Variants in APOBR observed in about 807,000 individuals in gnomAD.
APOBR encodes apoB-48R.
A neutral mutation model predicts 88.5 loss-of-function variants in APOBR; 57 were observed. The ratio of observed to expected loss-of-function variants is 0.64; its 90% CI spans 0.52 to 0.80. APOBR has a LOEUF of 0.80. Among genes scored for constraint, APOBR ranks in the 30% least tolerant of loss-of-function variants. The probability of loss-of-function intolerance (pLI) is 0.00; values close to 1 mark genes in which losing one functional copy is unlikely to be tolerated. For synonymous variants in APOBR, 588 were observed against 572.7 expected, an observed-to-expected ratio of 1.03 and a Z score of -0.38; for missense variants, 1,443 against 1,401.6, an observed-to-expected ratio of 1.03 and a Z score of -0.47.
chr16:28,498,019 C>CG, intron 2 of APOBR, 23 bp downstream of exon 2: 1 of 1,560,046 alleles, frequency 6.4e-7, no homozygotes, highest in Non-Finnish European at 8.6e-7. Flanking sequence ...GGTGGGGTCT[C>CG]GGGGGGAACG....
chr16:28,497,000 G>A lies in APOBR; in HGVS notation c.1959G>A (p.Ala653=), dbSNP rs772161666. 5.7e-6 allele frequency: 9 copies of A among 1,570,372 alleles called. No individual in the cohort carries two copies. The highest frequency in any genetic ancestry group is 4.1e-5 in the African/African-American group (3 of 73,902). Residue 653 remains alanine, a synonymous_variant, in exon 2 of 4, where the codon GCG becomes GCA. Coordinates refer to ENST00000564831, the MANE Select transcript of APOBR (RefSeq NM_018690.4). ...AGCAGCGGGAGGAGGAGGAGACTGC[G>A]GGAGGCCAGACCCTGGCGGCTGAGG... The part of the protein sequence containing the change: ...DGEQREEEET[A]GGQTLAAEAE...
At position 28,497,711 on chromosome 16, in the gene APOBR, A is replaced by G. The variant is rs190522443; in HGVS notation, c.2670A>G (p.Gly890=). 2.6e-5 allele frequency: 41 copies of G among 1,604,118 alleles called. 1 individual carries two copies. The Admixed American group carries it at 6.9e-4, about 27-fold the overall frequency. The part of the protein sequence containing the change: ...KWTLLEEEAV[G]WQEREQREDS... The stretch of plus-strand genomic sequence containing the variant: ...CGCTGTTGGAAGAAGAGGCTGTTGG[A>G]TGGCAGGAGAGAGAACAGAGGGAAG... The change falls in exon 2 of 4, where the codon GGA becomes GGG. Residue 890 remains glycine (G), a synonymous_variant. Coordinates refer to ENST00000564831, the MANE Select transcript of APOBR (RefSeq NM_018690.4).
At chr16:28,494,815 C>T in intron 1 of APOBR, 77 bp downstream of exon 1, 2 of 1,370,426 alleles carry the variant, frequency 1.5e-6, no homozygotes, top group Non-Finnish European at 2.0e-6. Flanking sequence ...CCCCTGGGGC[C>T]TCACCTTTCC....
chr16:28,496,377 G>C lies in APOBR; in HGVS notation c.1336G>C (p.Gly446Arg), dbSNP rs915867739. 11 of 1,605,628 alleles carry C rather than the reference G, an allele frequency of 6.9e-6. No homozygotes were observed. The highest frequency in any genetic ancestry group is 9.4e-6 in the Non-Finnish European group (11 of 1,176,012). ...TEEAAESQTA[G>R]REAVGGQEAG... ...AGAGGCTGCTGAGAGCCAGACCGCA[G>C]GGAGGGAAGCTGTGGGAGGCCAGGA... Residue 446 changes from glycine to arginine, a missense_variant, in exon 2 of 4, where the codon GGG (glycine) becomes CGG (arginine). Physicochemically the swap from Gly to Arg is moderately radical, Grantham distance 125. Coordinates refer to ENST00000564831, the MANE Select transcript of APOBR (RefSeq NM_018690.4).
rs1026988767 is a variant in APOBR, at chr16:28,496,235, G to C, written c.1194G>C (p.Arg398Ser). 1.4e-5 allele frequency: 22 copies of C among 1,602,092 alleles called. No individual in the cohort carries two copies. The highest frequency in any genetic ancestry group is 1.8e-5 in the Non-Finnish European group (21 of 1,174,894). The change falls in exon 2 of 4, where the codon AGG becomes AGC. Residue 398 changes from arginine (R) to serine (S), a missense_variant. Coordinates refer to ENST00000564831, the MANE Select transcript of APOBR (RefSeq NM_018690.4). ...AATATGGAGCAGTCCCAGGAGAAAGGCTCCTAGAGGCTACTGGAAAAGTCT... is the reference window on the plus strand; with the variant it reads ...AATATGGAGCAGTCCCAGGAGAAAGCCTCCTAGAGGCTACTGGAAAAGTCT... ...QTEYGAVPGE[R>S]LLEATGKVWV...
At position 28,495,848 on chromosome 16, in the gene APOBR, G is replaced by T; in HGVS notation, c.807G>T (p.Gly269=). The change falls in exon 2 of 4, where the codon GGG becomes GGT. Residue 269 remains glycine, a synonymous_variant. Coordinates refer to ENST00000564831, the MANE Select transcript of APOBR (RefSeq NM_018690.4). ...GGGCATGGGGGACGTGGGGCCCAGG[G>T]GCAGAGCCTGAGGACTGGGGAATCT... The part of the protein sequence containing the change: ...STRAWGTWGP[G]AEPEDWGILG... The T allele has an allele frequency of 6.2e-7, 1 of 1,609,744 alleles. No individual in the cohort carries two copies. The highest frequency in any genetic ancestry group is 8.5e-7 in the Non-Finnish European group (1 of 1,178,212).
intron 1 of APOBR, 74 bp from the exon 2 acceptor site, chr16:28,495,025 T>C: frequency 1.5e-6 from 2 of 1,377,950 alleles, no homozygotes; most frequent in Middle Eastern, 2.5e-4. Flanking sequence ...CCTGGGCTCC[T>C]CCAGCCAGGG....
chr16:28,496,786 C>T lies in APOBR; in HGVS notation c.1745C>T (p.Ala582Val), dbSNP rs796364070. Residue 582 changes from alanine to valine, a missense_variant, in exon 2 of 4, where the codon GCA (alanine) becomes GTA (valine). Coordinates refer to ENST00000564831, the MANE Select transcript of APOBR (RefSeq NM_018690.4). ...ACTAAGCAACCCGAGGAAAGGGAGG[C>T]AGGGGAGGTGGAGCTCATGGGAGTT... is the stretch of plus-strand genomic sequence containing the variant. ...TPTKQPEEREAGEVELMGVLA... is the reference protein window; with the variant it reads ...TPTKQPEEREVGEVELMGVLA... The T allele has an allele frequency of 3.2e-6, 5 of 1,571,312 alleles. No individual in the cohort carries two copies. Among genetic ancestry groups the T allele is most frequent in the Middle Eastern group, 1.7e-4 (1 of 6,012 alleles).
At position 28,497,889 on chromosome 16, in the gene APOBR, C is replaced by T. The variant is rs777959339; in HGVS notation, c.2848C>T (p.Pro950Ser). 4 of 1,613,388 alleles carry T rather than the reference C, an allele frequency of 2.5e-6. No individual in the cohort carries two copies. The highest frequency in any genetic ancestry group is 3.4e-6 in the Non-Finnish European group (4 of 1,179,674). ...ACATGTCAGGGGCCAGGAGGAGCAG[C>T]CAACACACCAGGCCCCTGCAGAAGC... ...LEHVRGQEEQPTHQAPAEAAP... is the reference protein window; with the variant it reads ...LEHVRGQEEQSTHQAPAEAAP... The change falls in exon 2 of 4, where the codon CCA (proline) becomes TCA (serine). Residue 950 changes from proline to serine, a missense_variant. By Grantham distance (74) the Pro-to-Ser change is moderately conservative. Coordinates refer to ENST00000564831, the MANE Select transcript of APOBR (RefSeq NM_018690.4).
intron 1 of APOBR, 71 bp downstream of exon 1, chr16:28,494,809 T>G (rs2046377124): frequency 2.8e-6 from 4 of 1,446,698 alleles, no homozygotes; most frequent in Non-Finnish European, 3.8e-6. Context: ...GCACCTCCCC[T>G]GGGGCCTCAC....
At position 28,495,805 on chromosome 16, in the gene APOBR, A is replaced by C; in HGVS notation, c.764A>C (p.Lys255Thr). 2 of 1,599,732 alleles carry C rather than the reference A, an allele frequency of 1.3e-6. No individual in the cohort carries two copies. The highest frequency in any genetic ancestry group is 1.7e-6 in the Non-Finnish European group (2 of 1,173,658). ...GGAGAAGAGGTGGTAGTGGTGGAGA[A>C]GGCCTGTGAAAGCACTAGGGCATGG... Reference protein sequence around the residue: ...GKGEEVVVVEKACESTRAWGT... With the variant: ...GKGEEVVVVETACESTRAWGT... Residue 255 changes from lysine to threonine, a missense_variant, in exon 2 of 4, where the codon AAG (lysine) becomes ACG (threonine). Physicochemically the swap from Lys to Thr is moderately conservative, Grantham distance 78. Coordinates refer to ENST00000564831, the MANE Select transcript of APOBR (RefSeq NM_018690.4).
chr16:28,494,813 G>A (rs747191944), intron 1 of APOBR, 75 bp downstream of exon 1: 40 of 1,403,802 alleles, frequency 2.8e-5, no homozygotes, highest in Non-Finnish European at 3.6e-5. Context: ...CTCCCCTGGG[G>A]CCTCACCTTT....
In APOBR at chr16:28,498,002, G is replaced by A. The variant is rs558685949; in HGVS notation, c.2955+6G>A. 6.3e-7 allele frequency: 1 copy of A among 1,581,722 alleles called. No homozygotes were observed. The highest frequency in any genetic ancestry group is 2.2e-5 in the East Asian group (1 of 44,494). On this transcript the variant is annotated splice_donor_region_variant and intron_variant, in intron 2 of 3. Transcript: ENST00000564831. ...CTGCCAACAGCTGGAGCGAGGTGAG[G>A]GCTCTTGGTGGGGTCTCGGGGGGAA...
rs1408923410 is a variant in APOBR, at chr16:28,495,921, G to A, written c.880G>A (p.Ala294Thr). ...AACCCCAGGTAGGGAAGAGGCCAGGGCAATTTTAGATGGGGAGGAAGCCAG... is the reference window on the plus strand; with the variant it reads ...AACCCCAGGTAGGGAAGAGGCCAGGACAATTTTAGATGGGGAGGAAGCCAG... ...RTTPGREEAR[A>T]ILDGEEARTI... is the part of the protein sequence containing the mutation. The change falls in exon 2 of 4, where the codon GCA (alanine) becomes ACA (threonine). Residue 294 changes from alanine (A) to threonine (T), a missense_variant. Transcript: ENST00000564831. The A allele has an allele frequency of 1.2e-6, 2 of 1,611,766 alleles. No individual in the cohort carries two copies. Among genetic ancestry groups the A allele is most frequent in the South Asian group, 2.2e-5 (2 of 90,844 alleles).
rs754921352 is a variant in APOBR at position 28,497,090 on chromosome 16, C to T, written c.2049C>T (p.Thr683=). 6 of 1,598,138 alleles carry T rather than the reference C, an allele frequency of 3.8e-6. No individual in the cohort carries two copies. In the South Asian group the frequency reaches 6.8e-5, roughly 18 times the overall value. ...VPEAGGEGLT[T]QDAGCGTEEG... is the part of the protein sequence containing the mutation. ...AGGCAGGCGGGGAGGGGCTGACAACCCAGGACGCGGGATGTGGAACTGAGG... is the reference window on the plus strand; with the variant it reads ...AGGCAGGCGGGGAGGGGCTGACAACTCAGGACGCGGGATGTGGAACTGAGG... The change falls in exon 2 of 4, where the codon ACC becomes ACT. Residue 683 remains threonine, a synonymous_variant. Transcript: ENST00000564831.
At position 28,495,209 on chromosome 16, in the gene APOBR, G is replaced by A; in HGVS notation, c.168G>A (p.Gly56=). The A allele has an allele frequency of 6.4e-7, 1 of 1,560,386 alleles. No homozygotes were observed. The highest frequency in any genetic ancestry group is 8.6e-7 in the Non-Finnish European group (1 of 1,156,414). ...GGGTGGTGGCGGTGGGAAAGACAGG[G>A]AAGATTGTAGAGGAGGAAGCCCAGG... ...ELGVVAVGKT[G]KIVEEEAQED... is the part of the protein sequence containing the mutation. Residue 56 remains glycine, a synonymous_variant, in exon 2 of 4, where the codon GGG becomes GGA. Transcript: ENST00000564831.
In APOBR at chr16:28,495,316, TG is replaced by T; in HGVS notation, c.279del (p.Ser94AlafsTer4). 2 of 1,542,810 alleles carry T rather than the reference TG, an allele frequency of 1.3e-6. No individual in the cohort carries two copies. Among genetic ancestry groups the T allele is most frequent in the East Asian group, 2.4e-5 (1 of 42,284 alleles). Reference sequence around the variant, plus strand: ...CCTGGAGATGACAGAAGACATGAAGTGGGGAGCTCAGCTGTAGAACAGACCT... The same window carrying T: ...CCTGGAGATGACAGAAGACATGAAGTGGGAGCTCAGCTGTAGAACAGACCT... ...RGPGDDRRHE[V>X]GSSAVEQTWG... On this transcript the variant is annotated frameshift_variant, in exon 2 of 4. Transcript: ENST00000564831. LOFTEE classifies it high-confidence loss of function.
In APOBR at chr16:28,496,808, A is replaced by C; in HGVS notation, c.1767A>C (p.Gly589=). The C allele has an allele frequency of 1.9e-6, 3 of 1,564,378 alleles. No homozygotes were observed. The highest frequency in any genetic ancestry group is 2.6e-6 in the Non-Finnish European group (3 of 1,154,400). The change falls in exon 2 of 4, where the codon GGA becomes GGC. Residue 589 remains glycine (G), a synonymous_variant. Coordinates refer to ENST00000564831, the MANE Select transcript of APOBR (RefSeq NM_018690.4). ...EREAGEVELM[G]VLALSKEEQE... Reference sequence around the variant, plus strand: ...AGGCAGGGGAGGTGGAGCTCATGGGAGTTCTGGCCCTGAGCAAAGAGGAGC... The same window carrying C: ...AGGCAGGGGAGGTGGAGCTCATGGGCGTTCTGGCCCTGAGCAAAGAGGAGC...
At position 28,495,868 on chromosome 16, in the gene APOBR, G is replaced by T. The variant is rs1049131475; in HGVS notation, c.827G>T (p.Gly276Val). ...CCAGGGGCAGAGCCTGAGGACTGGG[G>T]AATCTTAGGCAGAGAGGAGGCCAGG... is the stretch of plus-strand genomic sequence containing the variant. ...WGPGAEPEDW[G>V]ILGREEARTT... is the part of the protein sequence containing the mutation. The change falls in exon 2 of 4, where the codon GGA (glycine) becomes GTA (valine). Residue 276 changes from glycine (G) to valine (V), a missense_variant. Gly to Val is a moderately radical substitution (Grantham distance 109). Coordinates refer to ENST00000564831, the MANE Select transcript of APOBR (RefSeq NM_018690.4). The T allele has an allele frequency of 5.0e-6, 8 of 1,610,794 alleles. No individual in the cohort carries two copies. Among genetic ancestry groups the T allele is most frequent in the Non-Finnish European group, 5.9e-6 (7 of 1,178,626 alleles).
Sources: gnomAD v4.1 joint callset for allele counts on GRCh38, gnomAD v4.1.1 for gene constraint, MANE v1.5 for transcripts, NCBI Gene and HGNC (gene_info 2026-07-23, HGNC 2026-07-21) for gene names.